Variants in TNS3 observed in about 807,000 individuals in gnomAD.
TNS3 encodes tensin 3.
In TNS3, 45 loss-of-function variants were observed where a neutral mutation model predicts 140.9. The ratio of observed to expected loss-of-function variants is 0.32; its 90% CI spans 0.25 to 0.41. The LOEUF is 0.41. Among genes scored for constraint, TNS3 ranks in the 10% least tolerant of loss-of-function variants. The probability of loss-of-function intolerance (pLI) is 1.00; values close to 1 mark genes in which losing one functional copy is unlikely to be tolerated. For missense variants in TNS3, 1,716 were observed against 1,906.7 expected (o/e 0.90, Z 1.86); for synonymous variants, 815 against 788.4 (o/e 1.03, Z -0.56).
chr7:47,542,137 G>T (rs1799805534), intron 1 of TNS3, among the ~76,000 whole-genome samples: 1 of 152,152 alleles, frequency 6.6e-6, no homozygotes, highest in Non-Finnish European at 1.5e-5. Context: ...AGAATACATA[G>T]TCTCTAAATA....
chr7:47,494,427 T>A (rs995897789), intron 3 of TNS3, among the ~76,000 whole-genome samples: 2 of 152,222 alleles, frequency 1.3e-5, no homozygotes, highest in African/African-American at 4.8e-5. Context: ...TAGATAAAGA[T>A]TCTGAAAGCA....
intron 1 of TNS3, among the ~76,000 whole-genome samples, chr7:47,546,497 G>C (rs2151974467): frequency 1.3e-5 from 2 of 152,318 alleles, no homozygotes; most frequent in Middle Eastern, 6.8e-3. Flanking sequence ...ACGGTGAGGT[G>C]CTGAGGCTGG....
intron 3 of TNS3, among the ~76,000 whole-genome samples, chr7:47,496,292 G>C (rs1798004951): frequency 6.6e-6 from 1 of 152,200 alleles, no homozygotes; most frequent in Admixed American, 6.5e-5. Context: ...TCTAGAAAGG[G>C]GCCAAGGGCT....
rs114080192 is a variant in TNS3, at chr7:47,410,424, C to T, written c.723+1303G>A. On this transcript the variant is annotated intron_variant, in intron 13 of 30. Transcript: ENST00000311160. Reference sequence around the variant, plus strand: ...ATGCCTTGAAAAGGGCTGGGCCCAGCTGTTGTTCCAGACCTGCCTTCCAGG... The same window carrying T: ...ATGCCTTGAAAAGGGCTGGGCCCAGTTGTTGTTCCAGACCTGCCTTCCAGG... Among the ~76,000 whole-genome samples the T allele has an allele frequency of 5.2e-3, 791 of 152,312 alleles. 6 individuals are homozygous for T. The highest frequency in any genetic ancestry group is 0.018 in the African/African-American group (746 of 41,576).
At chr7:47,492,417 CCT>C (rs1302623794) in intron 3 of TNS3, among the ~76,000 whole-genome samples, 1 of 152,218 alleles carries the variant, frequency 6.6e-6, no homozygotes, top group African/African-American at 2.4e-5. Flanking sequence ...CTCTTCTTAT[CCT>C]CTTTCCTCAC....
At chr7:47,383,207 C>T (rs570596799) in intron 16 of TNS3, among the ~76,000 whole-genome samples, 1 of 152,314 alleles carries the variant, frequency 6.6e-6, no homozygotes, top group South Asian at 2.1e-4. Flanking sequence ...TGTGGTGTGT[C>T]CACACAGTGG....
chr7:47,317,970 T>A (rs780618801), intron 20 of TNS3, among the ~76,000 whole-genome samples: 4 of 152,224 alleles, frequency 2.6e-5, no homozygotes, highest in Admixed American at 6.5e-5. Flanking sequence ...AAATTTACCA[T>A]CTTAGCCATT....
In TNS3 at chr7:47,513,773, G is replaced by A. The variant is rs182070227; in HGVS notation, c.-152-6829C>T. On this transcript the variant is annotated intron_variant, in intron 2 of 30. Transcript: ENST00000311160. ...TCTCCAGCCCAGCTTACCCTCCGGC[G>A]TCTGAGCTGGTGTGTGGCAGGCCCC... 1.6e-4 allele frequency among the ~76,000 whole-genome samples: 24 copies of A among 152,340 alleles called. No individual in the cohort carries two copies. In the East Asian group the frequency reaches 2.9e-3, roughly 18 times the overall value.
chr7:47,340,110 TATATA>T (rs1402220986), intron 20 of TNS3, among the ~76,000 whole-genome samples: 62 of 47,536 alleles, frequency 1.3e-3, no homozygotes, highest in African/African-American at 4.7e-3. Flanking sequence ...TATATATATA[TATATA>T]TTTTTTTTTT....
chr7:47,387,389 C>T (rs568284741), intron 16 of TNS3, among the ~76,000 whole-genome samples: 26 of 152,280 alleles, frequency 1.7e-4, no homozygotes, highest in East Asian at 9.6e-4. Flanking sequence ...CTAAGGTCAA[C>T]GCCAGCACCA....
At chr7:47,326,550 G>A (rs540480609) in intron 20 of TNS3, among the ~76,000 whole-genome samples, 5 of 152,068 alleles carry the variant, frequency 3.3e-5, no homozygotes, top group African/African-American at 4.8e-5. Flanking sequence ...TTAGAGTGCA[G>A]GAAGCCCCAG....
chr7:47,509,273 C>A (rs78267243), intron 2 of TNS3, among the ~76,000 whole-genome samples: 1,602 of 152,328 alleles, frequency 0.011, 17 homozygotes, highest in African/African-American at 0.036. Flanking sequence ...GCCAAGACTA[C>A]AATCCTGAGA....
chr7:47,435,093 A>G (rs1795111415), intron 8 of TNS3, among the ~76,000 whole-genome samples, 189 bp downstream of exon 8: 2 of 146,238 alleles, frequency 1.4e-5, no homozygotes, highest in African/African-American at 5.1e-5. Flanking sequence ...TCTAAAGCCA[A>G]ACTTGGGGAG....
chr7:47,484,038 T>A (rs568337912), intron 3 of TNS3, among the ~76,000 whole-genome samples: 1 of 152,316 alleles, frequency 6.6e-6, no homozygotes, highest in South Asian at 2.1e-4. Context: ...AGCCCCCAGG[T>A]TCTGCAGAGC....
intron 1 of TNS3, among the ~76,000 whole-genome samples, chr7:47,542,580 A>G (rs1799817801): frequency 6.6e-6 from 1 of 152,164 alleles, no homozygotes; most frequent in Non-Finnish European, 1.5e-5. Context: ...CCACTGCTCC[A>G]TGGCTTGAGG....
At chr7:47,319,679 G>A (rs767720632) in intron 20 of TNS3, among the ~76,000 whole-genome samples, 1 of 152,132 alleles carries the variant, frequency 6.6e-6, no homozygotes, top group Non-Finnish European at 1.5e-5. Flanking sequence ...ATTCTATGTG[G>A]CAGATTTCAA....
At chr7:47,518,598 T>C (rs991498201) in intron 2 of TNS3, among the ~76,000 whole-genome samples, 6 of 152,102 alleles carry the variant, frequency 3.9e-5, no homozygotes, top group African/African-American at 7.2e-5. Context: ...GGAGGCAAAG[T>C]TGGCAGGCTT....
chr7:47,323,398 TAAAG>T (rs562253687), intron 20 of TNS3, among the ~76,000 whole-genome samples: 115 of 152,184 alleles, frequency 7.6e-4, no homozygotes, highest in Middle Eastern at 3.4e-3. Context: ...GAAGGAAAAA[TAAAG>T]AAATCCAGAG....
chr7:47,429,512 C>T (rs1018867281), intron 8 of TNS3, among the ~76,000 whole-genome samples: 24 of 152,100 alleles, frequency 1.6e-4, no homozygotes, highest in Admixed American at 1.4e-3. Context: ...GGACTACAGG[C>T]GCCCGCCACC....
Sources: allele counts gnomAD v4.1 joint callset (sites outside exome capture counted in the v4.1 genomes callset), GRCh38; gene constraint gnomAD v4.1.1; transcripts MANE v1.5; gene names NCBI Gene and HGNC (gene_info 2026-07-23, HGNC 2026-07-21).